Variants in NBPF3 observed in about 807,000 individuals in gnomAD.
The protein encoded by NBPF3 is NBPF family member NBPF3.
A neutral mutation model predicts 78.1 loss-of-function variants in NBPF3; 57 were observed. The ratio of observed to expected loss-of-function variants is 0.73; its 90% CI spans 0.59 to 0.91. The LOEUF (loss-of-function observed/expected upper bound fraction) is 0.91, where lower values mean the gene tolerates loss of function less well. Among genes scored for constraint, NBPF3 ranks in the 40% least tolerant of loss-of-function variants. The pLI is 0.00. For missense variants in NBPF3, 510 were observed against 715.3 expected (o/e 0.71, Z 3.27); for synonymous variants, 182 against 271.7 (o/e 0.67, Z 3.25).
intron 8 of NBPF3, chr1:21,477,922 T>C: frequency 1.2e-6 from 1 of 865,964 alleles, no homozygotes. Context: ...GGCTGATCTG[T>C]GGCAAATGTA....
intron 3 of NBPF3, among the ~76,000 whole-genome samples, chr1:21,469,100 G>T (rs796234872): frequency 5.1e-4 from 77 of 152,324 alleles, no homozygotes; most frequent in African/African-American, 1.5e-3. Flanking sequence ...GCAGTCAGGT[G>T]GGGGTGGGCC....
chr1:21,457,732 T>C (rs1455051210), intron 2 of NBPF3, among the ~76,000 whole-genome samples: 3 of 152,200 alleles, frequency 2.0e-5, no homozygotes, highest in South Asian at 2.1e-4. Flanking sequence ...GTTAAACATA[T>C]GCAAATCAGA....
chr1:21,466,915 ATAAT>A, intron 2 of NBPF3: 2 of 909,460 alleles, frequency 2.2e-6, no homozygotes, highest in Non-Finnish European at 2.6e-6. Flanking sequence ...CAACTGGTAA[ATAAT>A]TATGTGAATA....
rs1457233458 is a variant in NBPF3 at position 21,445,228 on chromosome 1, C to T, written c.133+9C>T. 1 of 1,610,832 alleles carries T rather than the reference C, an allele frequency of 6.2e-7. No homozygotes were observed. The highest frequency in any genetic ancestry group is 1.1e-5 in the South Asian group (1 of 90,924). ...GCTGCGAGATCCAACAGGTAAAAAT[C>T]CCGAGGCATTGCCAGCTCGGTGGGG... is the stretch of plus-strand genomic sequence containing the variant. On this transcript the variant is annotated intron_variant, in intron 2 of 14. Coordinates refer to ENST00000318249, the MANE Select transcript of NBPF3 (RefSeq NM_032264.6).
intron 2 of NBPF3, among the ~76,000 whole-genome samples, chr1:21,456,204 G>A (rs192218351): frequency 6.4e-4 from 98 of 152,146 alleles, no homozygotes; most frequent in Non-Finnish European, 1.8e-4. Context: ...GTAATTTTAC[G>A]CCCACTAGAG....
chr1:21,450,326 A>G (rs1446676794), intron 2 of NBPF3, among the ~76,000 whole-genome samples: 1 of 152,158 alleles, frequency 6.6e-6, no homozygotes, highest in Non-Finnish European at 1.5e-5. Context: ...CTTTTCCATC[A>G]TCAACCAATA....
At chr1:21,453,185 G>A (rs1239120178) in intron 2 of NBPF3, among the ~76,000 whole-genome samples, 1 of 152,102 alleles carries the variant, frequency 6.6e-6, no homozygotes, top group African/African-American at 2.4e-5. Flanking sequence ...GTTAGGTTTA[G>A]CAATGGAGGG....
At position 21,480,101 on chromosome 1, in the gene NBPF3, C is replaced by G. The variant is rs753110332; in HGVS notation, c.1259C>G (p.Ser420Ter). The change falls in exon 11 of 15, where the codon TCA becomes TGA. Residue 420 changes from serine to a stop codon, truncating the protein, a stop_gained. Transcript: ENST00000318249. LOFTEE classifies it high-confidence loss of function. ...DEKEPEVLQD[S>*]LDRFYSTPFE... ...AAAGAGCCTGAAGTCTTGCAGGACT[C>G]ACTGGATAGATTTTATTCAACTCCT... 2.6e-6 allele frequency: 3 copies of G among 1,133,148 alleles called. No homozygotes were observed. In the South Asian group the frequency reaches 3.7e-5, roughly 14 times the overall value. 70.2% of individuals were successfully genotyped at this position (1,133,148 alleles called of 1,614,324 possible).
At chr1:21,463,143 G>T (rs7365645) in intron 2 of NBPF3, among the ~76,000 whole-genome samples, 27 of 152,164 alleles carry the variant, frequency 1.8e-4, no homozygotes, top group Non-Finnish European at 3.8e-4. Context: ...AACACCAGAG[G>T]TATCTTGAGT....
intron 8 of NBPF3, among the ~76,000 whole-genome samples, chr1:21,475,248 G>T (rs1293717038): frequency 1.3e-5 from 2 of 152,146 alleles, no homozygotes; most frequent in African/African-American, 4.8e-5. Flanking sequence ...AGGGTTTTTT[G>T]TGTCTCTATC....
chr1:21,443,000 C>T (rs893028497), intron 1 of NBPF3, among the ~76,000 whole-genome samples: 2 of 152,114 alleles, frequency 1.3e-5, no homozygotes, highest in Non-Finnish European at 2.9e-5. Flanking sequence ...TCTGCTTTAT[C>T]CAGGACCATT....
At chr1:21,475,056 C>T in intron 8 of NBPF3, 105 bp downstream of exon 8, 1 of 991,506 alleles carries the variant, frequency 1.0e-6, no homozygotes, top group Admixed American at 1.9e-5. Context: ...TTCCATTCAC[C>T]CAGCTACAAG....
intron 2 of NBPF3, among the ~76,000 whole-genome samples, chr1:21,458,350 T>C (rs114399119): frequency 0.016 from 2,378 of 150,292 alleles, 65 homozygotes; most frequent in African/African-American, 0.053. Context: ...CCAGCCTTTG[T>C]AATAAGGGCA....
intron 1 of NBPF3, chr1:21,440,988 C>T (rs1468936785): frequency 6.6e-6 from 1 of 152,300 alleles, no homozygotes; most frequent in Non-Finnish European, 1.5e-5. Context: ...GTCTGTCTGT[C>T]TTTCTGGCTT....
At chr1:21,443,374 A>G (rs1348341725) in intron 1 of NBPF3, among the ~76,000 whole-genome samples, 1 of 152,112 alleles carries the variant, frequency 6.6e-6, no homozygotes, top group East Asian at 1.9e-4. Context: ...CTTCAATTAG[A>G]TGTTATTTGA....
chr1:21,472,892 A>G lies in NBPF3; in HGVS notation c.711A>G (p.Lys237=). 1 of 1,612,740 alleles carries G rather than the reference A, an allele frequency of 6.2e-7. No individual in the cohort carries two copies. Among genetic ancestry groups the G allele is most frequent in the Non-Finnish European group, 8.5e-7 (1 of 1,178,720 alleles). ...ATGTTAAAGTTGAGGAGGCTGAGAAAGTACAGGAATTATATGCCCCCAGGT... is the reference window on the plus strand; with the variant it reads ...ATGTTAAAGTTGAGGAGGCTGAGAAGGTACAGGAATTATATGCCCCCAGGT... ...DEDVKVEEAE[K]VQELYAPREV... Residue 237 remains lysine, a synonymous_variant, in exon 6 of 15, where the codon AAA becomes AAG. Transcript: ENST00000318249.
intron 8 of NBPF3, among the ~76,000 whole-genome samples, chr1:21,477,405 C>T (rs1482593874): frequency 2.6e-5 from 4 of 152,168 alleles, no homozygotes; most frequent in Admixed American, 1.3e-4. Context: ...TCCACATCTT[C>T]GTGGTTTTAT....
chr1:21,479,645 G>T (rs557424382), intron 10 of NBPF3, among the ~76,000 whole-genome samples: 46 of 152,250 alleles, frequency 3.0e-4, no homozygotes, highest in African/African-American at 1.1e-3. Context: ...CATGGTGACT[G>T]CAGGGAAGCT....
chr1:21,440,090 G>C (rs1156728993), upstream of NBPF3: 5 of 151,914 alleles, frequency 3.3e-5, no homozygotes, highest in Non-Finnish European at 7.4e-5. Context: ...CGGCCCATCC[G>C]GACCCTGAGG....
Sources: allele counts gnomAD v4.1 joint callset (sites outside exome capture counted in the v4.1 genomes callset), GRCh38; gene constraint gnomAD v4.1.1; transcripts MANE v1.5; gene names NCBI Gene and HGNC (gene_info 2026-07-23, HGNC 2026-07-21).